The following SMAP1 variants were observed in gnomAD, a reference collection of about 807,000 sequenced individuals.
The protein encoded by SMAP1 is small ArfGAP 1.
In SMAP1, 24 loss-of-function variants were observed where a neutral mutation model predicts 58.5. The ratio of observed to expected loss-of-function variants is 0.41; its 90% CI spans 0.30 to 0.58. The LOEUF (loss-of-function observed/expected upper bound fraction) is 0.58, where lower values mean the gene tolerates loss of function less well. Ranked by LOEUF, SMAP1 falls within the 20% of genes least tolerant of loss-of-function variation. The pLI, the probability that SMAP1 is intolerant of heterozygous loss-of-function variation, is 0.29. For missense variants in SMAP1, 563 were observed against 566.3 expected (o/e 0.99, Z 0.06); for synonymous variants, 216 against 196.6 (o/e 1.10, Z -0.82).
intron 3 of SMAP1, among the ~76,000 whole-genome samples, chr6:70,766,373 G>C (rs924729574): frequency 6.6e-6 from 1 of 152,184 alleles, no homozygotes; most frequent in African/African-American, 2.4e-5. Flanking sequence ...CAGTGTAAAA[G>C]TGTTCCTATT....
At chr6:70,774,484 C>G (rs1430810576) in intron 4 of SMAP1, among the ~76,000 whole-genome samples, 1 of 151,966 alleles carries the variant, frequency 6.6e-6, no homozygotes, top group East Asian at 1.9e-4. Flanking sequence ...CCTATTTGGC[C>G]CATATGGAGA....
chr6:70,675,174 A>G (rs1766426139), intron 1 of SMAP1, among the ~76,000 whole-genome samples: 1 of 146,872 alleles, frequency 6.8e-6, no homozygotes, highest in Non-Finnish European at 1.5e-5. Flanking sequence ...ATAACATTAC[A>G]TATATACTCA....
chr6:70,763,659 A>G (rs1163685482), intron 3 of SMAP1, among the ~76,000 whole-genome samples: 1 of 152,230 alleles, frequency 6.6e-6, no homozygotes, highest in Non-Finnish European at 1.5e-5. Flanking sequence ...ATGCAAAGGA[A>G]AAATTCTTGA....
At chr6:70,844,846 A>C (rs2249159) in intron 7 of SMAP1, among the ~76,000 whole-genome samples, 87,579 of 152,022 alleles carry the variant, frequency 0.58, 25,716 homozygotes, top group East Asian at 0.78. Context: ...TAAATGGCTT[A>C]TTGAGTAGAA....
intron 4 of SMAP1, among the ~76,000 whole-genome samples, chr6:70,786,692 C>T (rs1429974129): frequency 6.6e-6 from 1 of 152,140 alleles, no homozygotes; most frequent in East Asian, 1.9e-4. Flanking sequence ...CATGAGTGAA[C>T]TCCCCTTCAC....
chr6:70,776,620 C>T (rs991903378), intron 4 of SMAP1, among the ~76,000 whole-genome samples: 12 of 152,204 alleles, frequency 7.9e-5, no homozygotes, highest in African/African-American at 1.7e-4. Context: ...TGTACTGTCA[C>T]ATCTGTTAAA....
chr6:70,725,093 G>GATTTTTTTTTTTT (rs1768710050), intron 1 of SMAP1, among the ~76,000 whole-genome samples: 1 of 47,778 alleles, frequency 2.1e-5, no homozygotes. Context: ...ATTAACCAGT[G>GATTTTTTTTTTTT]TTTTTTTTTT....
chr6:70,826,584 T>C (rs1469964895), intron 6 of SMAP1, among the ~76,000 whole-genome samples: 1 of 151,776 alleles, frequency 6.6e-6, no homozygotes, highest in African/African-American at 2.4e-5. Flanking sequence ...GGCAACATGG[T>C]GAAATTCCAT....
chr6:70,753,806 G>A (rs1319499666), intron 2 of SMAP1, among the ~76,000 whole-genome samples: 2 of 150,918 alleles, frequency 1.3e-5, no homozygotes, highest in East Asian at 1.9e-4. Context: ...ACTGCCCTCC[G>A]CCCCCCGCCC....
chr6:70,852,176 G>A lies in SMAP1; in HGVS notation c.665-364G>A, dbSNP rs956584702. Reference sequence around the variant, plus strand: ...CCTCATAAGGTTATGAGGATTAAATGAGTTGATACATGTGAAGTACCCAGA... The same window carrying A: ...CCTCATAAGGTTATGAGGATTAAATAAGTTGATACATGTGAAGTACCCAGA... On this transcript the variant is annotated intron_variant, in intron 7 of 10. Transcript: ENST00000370455. 2.0e-5 allele frequency among the ~76,000 whole-genome samples: 3 copies of A among 152,072 alleles called. 1 individual carries two copies. Among genetic ancestry groups the A allele is most frequent in the Admixed American group, 2.0e-4 (3 of 15,254 alleles).
At chr6:70,745,286 A>G (rs200467537) in intron 2 of SMAP1, among the ~76,000 whole-genome samples, 2 of 152,058 alleles carry the variant, frequency 1.3e-5, no homozygotes, top group Non-Finnish European at 2.9e-5. Context: ...ACGTTTTCTT[A>G]TAGGGTTTTT....
intron 5 of SMAP1, among the ~76,000 whole-genome samples, chr6:70,792,822 T>C (rs969912048): frequency 1.3e-5 from 2 of 151,596 alleles, no homozygotes; most frequent in African/African-American, 2.4e-5. Flanking sequence ...GGCACTTGAG[T>C]GATGAGTTTT....
intron 6 of SMAP1, among the ~76,000 whole-genome samples, chr6:70,815,038 CAA>C (rs1021919046): frequency 6.6e-6 from 1 of 152,112 alleles, no homozygotes; most frequent in Non-Finnish European, 1.5e-5. Flanking sequence ...CTTTTAATGA[CAA>C]AGATAATCTT....
At chr6:70,670,837 A>G (rs764963570) in intron 1 of SMAP1, among the ~76,000 whole-genome samples, 5 of 152,208 alleles carry the variant, frequency 3.3e-5, no homozygotes, top group African/African-American at 9.6e-5. Flanking sequence ...AGGTATGTCA[A>G]TTGGGTTTTG....
intron 5 of SMAP1, among the ~76,000 whole-genome samples, chr6:70,792,733 T>G (rs1047729503): frequency 6.6e-6 from 1 of 151,894 alleles, no homozygotes. Context: ...GAAATATGAG[T>G]AGAACGGCAA....
chr6:70,734,329 A>G (rs1400769635), intron 2 of SMAP1, among the ~76,000 whole-genome samples: 1 of 152,130 alleles, frequency 6.6e-6, no homozygotes, highest in African/African-American at 2.4e-5. Context: ...TATTTTTATT[A>G]GAGGTGGGGT....
At chr6:70,789,308 C>T (rs1003820679) in intron 4 of SMAP1, among the ~76,000 whole-genome samples, 22 of 152,238 alleles carry the variant, frequency 1.4e-4, no homozygotes, top group African/African-American at 5.1e-4. Flanking sequence ...CTTTTCGTCA[C>T]TCCAAAAGGT....
At chr6:70,670,766 A>G (rs1434426737) in intron 1 of SMAP1, among the ~76,000 whole-genome samples, 1 of 152,218 alleles carries the variant, frequency 6.6e-6, no homozygotes, top group African/African-American at 2.4e-5. Context: ...GAGAATATGT[A>G]CCAAAACTAA....
At chr6:70,716,065 T>C (rs569805565) in intron 1 of SMAP1, among the ~76,000 whole-genome samples, 123 of 152,354 alleles carry the variant, frequency 8.1e-4, no homozygotes, top group Admixed American at 1.0e-3. Context: ...TGCCATTAAT[T>C]CATTCCTTTC....
Sources: allele counts gnomAD v4.1 joint callset (sites outside exome capture counted in the v4.1 genomes callset), GRCh38; gene constraint gnomAD v4.1.1; transcripts MANE v1.5; gene names NCBI Gene and HGNC (gene_info 2026-07-23, HGNC 2026-07-21).